TENM2: variants seen among roughly 807,000 people sequenced by gnomAD.
TENM2 encodes teneurin-2.
TENM2 carries 52 observed loss-of-function variants against 245.2 expected under a neutral mutation model. That is an observed-to-expected ratio of 0.21 (90% CI 0.17 to 0.27). The LOEUF (loss-of-function observed/expected upper bound fraction) is 0.27. Ranked by LOEUF, TENM2 falls within the 10% of genes least tolerant of loss-of-function variation. The pLI, the probability that TENM2 is intolerant of heterozygous loss-of-function variation, is 1.00. For synonymous variants in TENM2, 1,363 were observed against 1,438.9 expected (o/e 0.95, Z 1.19); for missense variants, 3,046 against 3,666.8 (o/e 0.83, Z 4.37).
At chr5:167,264,345 T>C in the TENM2 span, among the ~76,000 whole-genome samples, 29 of 152,304 alleles carry the variant, frequency 1.9e-4, no homozygotes, top group African/African-American at 7.0e-4. Context: ...ATGTTCTCTG[T>C]CCTCTCCGTC....
intron 2 of TENM2, among the ~76,000 whole-genome samples, chr5:167,550,131 C>T (rs1029415551): frequency 1.3e-5 from 2 of 152,188 alleles, no homozygotes; most frequent in African/African-American, 2.4e-5. Flanking sequence ...CTCCCACTCT[C>T]TTCACTTTCT....
intron 2 of TENM2, among the ~76,000 whole-genome samples, chr5:167,568,646 G>GGTGT (rs3138740): frequency 0.046 from 6,494 of 142,510 alleles, 164 homozygotes; most frequent in African/African-American, 0.062. Context: ...CAGAGACCAT[G>GGTGT]GTGTGTGTGT....
At chr5:167,597,833 A>G (rs1021296924) in intron 2 of TENM2, among the ~76,000 whole-genome samples, 3 of 152,194 alleles carry the variant, frequency 2.0e-5, no homozygotes, top group African/African-American at 4.8e-5. Flanking sequence ...ATAATTACCC[A>G]TATACATACA....
chr5:168,169,646 A>G (rs989880196), intron 13 of TENM2, among the ~76,000 whole-genome samples: 2 of 152,216 alleles, frequency 1.3e-5, no homozygotes, highest in East Asian at 1.9e-4. Context: ...TTGTCTGTGC[A>G]TTTAGCAGAG....
intron 12 of TENM2, among the ~76,000 whole-genome samples, chr5:168,144,421 A>C (rs1486204862): frequency 6.6e-6 from 1 of 151,984 alleles, no homozygotes; most frequent in Non-Finnish European, 1.5e-5. Context: ...GTAAGTGAGA[A>C]TATGTGGTGT....
intron 2 of TENM2, among the ~76,000 whole-genome samples, chr5:167,679,907 T>C (rs577158299): frequency 6.6e-6 from 1 of 152,308 alleles, no homozygotes; most frequent in East Asian, 1.9e-4. Context: ...GTAATGCTTT[T>C]TTAAGTCAGC....
intron 2 of TENM2, among the ~76,000 whole-genome samples, chr5:167,767,648 T>A (rs1231394494): frequency 6.6e-6 from 1 of 152,224 alleles, no homozygotes; most frequent in Non-Finnish European, 1.5e-5. Flanking sequence ...AAGAGGCTAC[T>A]GCTGTAGTTT....
chr5:167,952,518 C>G, intron 3 of TENM2, 70 bp from the exon 6 acceptor site: 1 of 1,306,394 alleles, frequency 7.7e-7, no homozygotes, highest in South Asian at 1.3e-5. Flanking sequence ...AAACTCTCCT[C>G]CAGTGGTTTG....
chr5:167,571,915 A>G (rs1369760540), intron 2 of TENM2, among the ~76,000 whole-genome samples: 1 of 152,174 alleles, frequency 6.6e-6, no homozygotes, highest in African/African-American at 2.4e-5. Flanking sequence ...ACACTCTGCA[A>G]AATGTCCGCA....
the TENM2 span, among the ~76,000 whole-genome samples, chr5:167,111,427 A>C: frequency 6.6e-6 from 1 of 152,168 alleles, no homozygotes; most frequent in Admixed American, 6.5e-5. Context: ...AAAAAATAAT[A>C]ATAAAATGAT....
chr5:168,081,096 A>G (rs1335080372), intron 7 of TENM2, among the ~76,000 whole-genome samples: 1 of 152,102 alleles, frequency 6.6e-6, no homozygotes. Flanking sequence ...AAGCACTTGC[A>G]TTATGAATCT....
the TENM2 span, among the ~76,000 whole-genome samples, chr5:167,262,660 A>G: frequency 0.11 from 17,492 of 152,118 alleles, 1,259 homozygotes; most frequent in East Asian, 0.26. Flanking sequence ...TATATTTTAT[A>G]TTTTTAAATA....
At chr5:167,814,715 T>C (rs953007543) in intron 2 of TENM2, among the ~76,000 whole-genome samples, 3 of 151,710 alleles carry the variant, frequency 2.0e-5, no homozygotes, top group Non-Finnish European at 2.9e-5. Context: ...TATATAAATG[T>C]AGTTATGTAC....
intron 2 of TENM2, among the ~76,000 whole-genome samples, chr5:167,465,626 G>A (rs1251768843): frequency 6.6e-6 from 1 of 152,148 alleles, no homozygotes; most frequent in Non-Finnish European, 1.5e-5. Flanking sequence ...TCAGGAAATC[G>A]AGACCATCCT....
chr5:167,428,178 C>T (rs1283729852), intron 2 of TENM2, among the ~76,000 whole-genome samples: 1 of 152,120 alleles, frequency 6.6e-6, no homozygotes, highest in Admixed American at 6.5e-5. Context: ...AGAGATCATG[C>T]TGTCTCCTCA....
intron 3 of TENM2, among the ~76,000 whole-genome samples, chr5:167,926,310 T>G (rs1031179115): frequency 6.6e-6 from 1 of 152,104 alleles, no homozygotes; most frequent in African/African-American, 2.4e-5. Flanking sequence ...ATATATATAA[T>G]TAAATACTCC....
intron 5 of TENM2, among the ~76,000 whole-genome samples, chr5:168,023,467 G>T (rs1422118745): frequency 6.6e-6 from 1 of 152,180 alleles, no homozygotes. Flanking sequence ...GCAGAGCAGG[G>T]CTGGCTTTGG....
the TENM2 span, among the ~76,000 whole-genome samples, chr5:167,042,220 C>T: frequency 3.9e-5 from 6 of 152,272 alleles, no homozygotes; most frequent in East Asian, 7.7e-4. Context: ...GTGTTCCTTT[C>T]GATGTAATAT....
intron 9 of TENM2, among the ~76,000 whole-genome samples, chr5:168,101,676 C>T (rs1024355623): frequency 4.6e-5 from 7 of 152,162 alleles, no homozygotes; most frequent in Non-Finnish European, 1.0e-4. Flanking sequence ...CTCCTGAAAT[C>T]GGGCTTTGAA....
Sources: gnomAD v4.1 joint callset for allele counts (sites outside exome capture counted in the v4.1 genomes callset) on GRCh38, gnomAD v4.1.1 for gene constraint, MANE v1.5 for transcripts, NCBI Gene and HGNC (gene_info 2026-07-23, HGNC 2026-07-21) for gene names.